Variants in EHD4 observed in about 807,000 individuals in gnomAD.
EHD4 encodes the protein EH domain containing 4.
A neutral mutation model predicts 51.0 loss-of-function variants in EHD4; 37 were observed. The observed-to-expected ratio is 0.73, with a 90% confidence interval of 0.56 to 0.95. EHD4 has a LOEUF of 0.95. Among genes scored for constraint, EHD4 ranks in the 40% least tolerant of loss-of-function variants. EHD4 has a pLI of 0.00. For missense variants in EHD4, 632 were observed against 733.1 expected (o/e 0.86, Z 1.59); for synonymous variants, 297 against 317.3 (o/e 0.94, Z 0.68).
chr15:41,927,789 A>G (rs889393354), intron 3 of EHD4, among the ~76,000 whole-genome samples: 1 of 152,230 alleles, frequency 6.6e-6, no homozygotes, highest in African/African-American at 2.4e-5. Flanking sequence ...GCCTATAGCC[A>G]CATTGTGCTT....
At position 41,959,268 on chromosome 15, in the gene EHD4, C is replaced by T. The variant is rs1025992486; in HGVS notation, c.237-5328G>A. 4.6e-5 allele frequency among the ~76,000 whole-genome samples: 7 copies of T among 151,806 alleles called. No homozygotes were observed. In the East Asian group the frequency reaches 9.7e-4, roughly 21 times the overall value. On this transcript the variant is annotated intron_variant, in intron 1 of 5. Coordinates refer to ENST00000220325, the MANE Select transcript of EHD4 (RefSeq NM_139265.4). Reference sequence around the variant, plus strand: ...AAAATTAGCCAGGCATGGTGGCGGGCGCCTGTAGTCCCAGCTACTCGGGAG... The same window carrying T: ...AAAATTAGCCAGGCATGGTGGCGGGTGCCTGTAGTCCCAGCTACTCGGGAG...
intron 3 of EHD4, among the ~76,000 whole-genome samples, chr15:41,924,705 A>G (rs896423396): frequency 6.6e-6 from 1 of 152,128 alleles, no homozygotes; most frequent in Non-Finnish European, 1.5e-5. Context: ...GAAAGTTTCT[A>G]TATCTTGATG....
At chr15:41,938,127 CT>C (rs1447856923) in intron 3 of EHD4, among the ~76,000 whole-genome samples, 1 of 152,196 alleles carries the variant, frequency 6.6e-6, no homozygotes, top group Non-Finnish European at 1.5e-5. Context: ...GAATTTTCCA[CT>C]TGTGGCATCA....
At chr15:41,909,442 AGTCTAAGAG>A (rs1315188341) in intron 5 of EHD4, among the ~76,000 whole-genome samples, 1 of 152,252 alleles carries the variant, frequency 6.6e-6, no homozygotes, top group African/African-American at 2.4e-5. Flanking sequence ...CCTTGGACAC[AGTCTAAGAG>A]GGCTGCTCAC....
chr15:41,927,962 G>A (rs1292275287), intron 3 of EHD4, among the ~76,000 whole-genome samples: 2 of 152,122 alleles, frequency 1.3e-5, no homozygotes, highest in Admixed American at 6.5e-5. Flanking sequence ...AGTGGTATGC[G>A]TTTCTAAAAA....
At position 41,941,405 on chromosome 15, in the gene EHD4, C is replaced by T. The variant is rs145786147; in HGVS notation, c.511+1662G>A. On this transcript the variant is annotated intron_variant, in intron 3 of 5. Coordinates refer to ENST00000220325, the MANE Select transcript of EHD4 (RefSeq NM_139265.4). ...TCTATTAGAAATGTGTTTGCATATGCGCAGGAAAAAGTCTCTAAGAAGTGA... is the reference window on the plus strand; with the variant it reads ...TCTATTAGAAATGTGTTTGCATATGTGCAGGAAAAAGTCTCTAAGAAGTGA... 4.9e-3 allele frequency among the ~76,000 whole-genome samples: 741 copies of T among 152,056 alleles called. 5 individuals carry two copies. Among genetic ancestry groups the T allele is most frequent in the African/African-American group, 0.017 (695 of 41,474 alleles).
chr15:41,928,329 T>G (rs534399610), intron 3 of EHD4: 83 of 152,286 alleles, frequency 5.5e-4, no homozygotes, highest in African/African-American at 1.8e-3. Flanking sequence ...AGTAGGTACT[T>G]TTATTACCCC....
chr15:41,911,103 C>G (rs1361421780), intron 4 of EHD4, among the ~76,000 whole-genome samples: 1 of 152,138 alleles, frequency 6.6e-6, no homozygotes, highest in Non-Finnish European at 1.5e-5. Context: ...ACATGCTGGA[C>G]ACAGCCAAAA....
chr15:41,916,441 T>G (rs2067584069), intron 4 of EHD4, among the ~76,000 whole-genome samples: 1 of 152,184 alleles, frequency 6.6e-6, no homozygotes, highest in African/African-American at 2.4e-5. Context: ...AATGCCCAAC[T>G]GTGTAGTTGT....
intron 4 of EHD4, among the ~76,000 whole-genome samples, chr15:41,910,644 A>T (rs528079667): frequency 3.9e-5 from 6 of 152,314 alleles, no homozygotes. Flanking sequence ...ATCTTGGCTC[A>T]CTGCAACCTC....
chr15:41,936,363 T>A (rs921759508), intron 3 of EHD4, among the ~76,000 whole-genome samples: 3 of 152,198 alleles, frequency 2.0e-5, no homozygotes, highest in African/African-American at 7.2e-5. Flanking sequence ...TAAAATGGGA[T>A]AATTGCTCCT....
At chr15:41,969,660 ATC>A (rs2067984097) in intron 1 of EHD4, among the ~76,000 whole-genome samples, 1 of 152,158 alleles carries the variant, frequency 6.6e-6, no homozygotes, top group African/African-American at 2.4e-5. Context: ...AATCTTTGAA[ATC>A]TGTTTTCCTC....
intron 5 of EHD4, among the ~76,000 whole-genome samples, chr15:41,905,492 A>G (rs2067506386): frequency 6.6e-6 from 1 of 152,220 alleles, no homozygotes; most frequent in Admixed American, 6.5e-5. Context: ...TGCTGGGGAT[A>G]TGGCAGTGAA....
intron 2 of EHD4, among the ~76,000 whole-genome samples, chr15:41,949,194 A>G (rs1040635560): frequency 3.3e-5 from 5 of 151,380 alleles, no homozygotes; most frequent in African/African-American, 1.2e-4. Context: ...ACATGGTGAA[A>G]CCTCATCTCT....
Position 41,900,610 on chromosome 15 carries a change from TC to T in EHD4, c.*34del. The T allele has an allele frequency of 1.3e-6, 2 of 1,526,700 alleles. No individual in the cohort carries two copies. 94.6% of individuals were successfully genotyped at this position (1,526,700 alleles called of 1,614,324 possible). ...TGGTGGAGCAGGCCTGAGGCCCAGGTCCCCCAGTTCCCACCCCGTTCTGCAG... is the reference window on the plus strand; with the variant it reads ...TGGTGGAGCAGGCCTGAGGCCCAGGTCCCCAGTTCCCACCCCGTTCTGCAG... On this transcript the variant is annotated 3_prime_UTR_variant, in exon 6 of 6. Coordinates refer to ENST00000220325, the MANE Select transcript of EHD4 (RefSeq NM_139265.4). This position sits in a 1 kb window ranked among gnomAD's most constrained non-coding sequence, Gnocchi z 4.8.
chr15:41,958,557 T>C (rs1268369823), intron 1 of EHD4, among the ~76,000 whole-genome samples: 1 of 152,070 alleles, frequency 6.6e-6, no homozygotes, highest in Non-Finnish European at 1.5e-5. Flanking sequence ...GAAGTGAATG[T>C]CATTTATGAC....
At chr15:41,933,319 G>A (rs930929933) in intron 3 of EHD4, among the ~76,000 whole-genome samples, 2 of 152,222 alleles carry the variant, frequency 1.3e-5, no homozygotes, top group Non-Finnish European at 2.9e-5. Context: ...AGGACCTTTT[G>A]CTGTTTCCCT....
At chr15:41,955,943 G>A (rs763498072) in intron 1 of EHD4, among the ~76,000 whole-genome samples, 4 of 152,186 alleles carry the variant, frequency 2.6e-5, no homozygotes, top group Admixed American at 6.5e-5. Flanking sequence ...TGATTTTTAC[G>A]CCCTGTGGCC....
At chr15:41,921,595 C>A (rs2067626066) in intron 3 of EHD4, 1 of 152,206 alleles carries the variant, frequency 6.6e-6, no homozygotes, top group Non-Finnish European at 1.5e-5. Flanking sequence ...CATAGATGGA[C>A]CTGCATGGGG....
Sources: allele counts gnomAD v4.1 joint callset (sites outside exome capture counted in the v4.1 genomes callset), GRCh38; gene constraint gnomAD v4.1.1; non-coding constraint Gnocchi (gnomAD v3.1); transcripts MANE v1.5; gene names NCBI Gene and HGNC (gene_info 2026-07-23, HGNC 2026-07-21).